Variants in ADSL observed in about 807,000 individuals in gnomAD.
The protein encoded by ADSL is adenylosuccinate lyase.
In ADSL, 44 loss-of-function variants were observed where a neutral mutation model predicts 62.1. That is an observed-to-expected ratio of 0.71 (90% confidence interval 0.56 to 0.91). ADSL has a LOEUF of 0.91. Among genes scored for constraint, ADSL ranks in the 40% least tolerant of loss-of-function variants. The pLI, the probability that ADSL is intolerant of heterozygous loss-of-function variation, is 0.00. For synonymous variants in ADSL, 198 were observed against 220.5 expected, an observed-to-expected ratio of 0.90 and a Z score of 0.90; for missense variants, 531 against 627.4, an observed-to-expected ratio of 0.85 and a Z score of 1.64.
Position 40,364,915 on chromosome 22 carries a change from G to A in ADSL, c.1227G>A (p.Gln409=). The A allele has an allele frequency of 6.2e-7, 1 of 1,614,210 alleles. No individual in the cohort carries two copies. Reference sequence around the variant, plus strand: ...AGAAAATCAGAGTGCTTTCTCAGCAGGCAGCTTCTGTGGTTAAGCAGGAAG... The same window carrying A: ...AGAAAATCAGAGTGCTTTCTCAGCAAGCAGCTTCTGTGGTTAAGCAGGAAG... ...CHEKIRVLSQ[Q]AASVVKQEGG... The change falls in exon 12 of 13, where the codon CAG becomes CAA. Residue 409 remains glutamine, a synonymous_variant. Transcript: ENST00000623063.
rs2045105660 is a variant in ADSL at position 40,369,162 on chromosome 22, G to T, written c.*2640G>T. On this transcript the variant is annotated 3_prime_UTR_variant, in exon 13 of 13. Coordinates refer to ENST00000623063, the MANE Select transcript of ADSL (RefSeq NM_000026.4). ...CCTCATAGAAAATAAGGAAATAACA[G>T]TCTTGTTCCTGTCCTAACAATTCTG... The T allele has an allele frequency of 6.6e-6, 1 of 152,146 alleles. No homozygotes were observed. 9.4% of individuals were successfully genotyped at this position (152,146 alleles called of 1,614,324 possible). A position where few individuals can be genotyped will look rare whatever the true frequency, so the allele number is the denominator to read the frequency against.
downstream of ADSL, among the ~76,000 whole-genome samples, chr22:40,372,121 C>G (rs868532234): frequency 4.4e-5 from 5 of 114,266 alleles, no homozygotes; most frequent in Non-Finnish European, 6.8e-5. Context: ...GTCCCCCCCC[C>G]CTTTTTTTTT....
downstream of ADSL, among the ~76,000 whole-genome samples, chr22:40,374,274 G>C (rs1189860343): frequency 6.6e-6 from 1 of 152,140 alleles, no homozygotes; most frequent in African/African-American, 2.4e-5. Flanking sequence ...TTTATAGTTT[G>C]AGAGTTGGGG....
chr22:40,363,736 C>CAAA (rs1231381642), intron 10 of ADSL, among the ~76,000 whole-genome samples: 7 of 79,662 alleles, frequency 8.8e-5, no homozygotes, highest in South Asian at 3.9e-4. Context: ...AACTCCATCT[C>CAAA]AAAAAAAAAA....
Position 40,346,804 on chromosome 22 carries a change from G to A in ADSL, c.153+93G>A, listed in dbSNP as rs963971520. 4.5e-6 allele frequency: 6 copies of A among 1,345,130 alleles called. No individual in the cohort carries two copies. In the South Asian group the frequency reaches 6.7e-5, roughly 15 times the overall value. 83.3% of individuals were successfully genotyped at this position (1,345,130 alleles called of 1,614,324 possible). The stretch of plus-strand genomic sequence containing the variant: ...GTTCCGGGCTGGGCTTAGCCACCCC[G>A]GAGCTGCGGCCCGGCTATTTTCAGC... On this transcript the variant is annotated intron_variant, in intron 1 of 12. Coordinates refer to ENST00000623063, the MANE Select transcript of ADSL (RefSeq NM_000026.4).
chr22:40,348,983 T>G (rs2044246316), intron 1 of ADSL: 1 of 166,974 alleles, frequency 6.0e-6, no homozygotes, highest in Admixed American at 6.4e-5. Context: ...TTGCTTTCAG[T>G]TGCACTCATT....
intron 2 of ADSL, among the ~76,000 whole-genome samples, chr22:40,375,477 G>A (rs1191473986): frequency 1.3e-5 from 2 of 151,948 alleles, no homozygotes; most frequent in Non-Finnish European, 2.9e-5. Flanking sequence ...CTATTCGGGA[G>A]GCTGAGGCAG....
intron 2 of ADSL, among the ~76,000 whole-genome samples, chr22:40,374,450 T>A (rs17001864): frequency 0.023 from 3,508 of 152,194 alleles, 133 homozygotes; most frequent in African/African-American, 0.081. Context: ...GGCTTTAGAG[T>A]CTGACAGATC....
Position 40,385,954 on chromosome 22 carries a change from C to T in ADSL, c.90-4276C>T, listed in dbSNP as rs193124060. ...GCAGCGTCGACCTCCCGGGCCCAGGCGATTCTCCTATCTCAACTTCCCAGG... is the reference window on the plus strand; with the variant it reads ...GCAGCGTCGACCTCCCGGGCCCAGGTGATTCTCCTATCTCAACTTCCCAGG... On this transcript the variant is annotated intron_variant, in intron 2 of 2. Coordinates refer to the ADSL transcript ENST00000498234. Among the ~76,000 whole-genome samples the T allele has an allele frequency of 8.5e-5, 13 of 152,116 alleles. No homozygotes were observed. In the East Asian group the frequency reaches 1.9e-3, roughly 23 times the overall value.
rs1369931692 is a variant in ADSL at position 40,367,048 on chromosome 22, AGCTCATTTCATCTTTTGATAAGG to A, written c.*527_*549del. The A allele has an allele frequency of 1.2e-5, 2 of 165,092 alleles. No individual in the cohort carries two copies. The highest frequency in any genetic ancestry group is 2.6e-5 in the Non-Finnish European group (2 of 75,950). The allele number at this position is 165,092 out of a possible 1,614,324, so 10.2% of individuals were successfully genotyped here. A position where few individuals can be genotyped will look rare whatever the true frequency, so the allele number is the denominator to read the frequency against. On this transcript the variant is annotated 3_prime_UTR_variant, in exon 13 of 13. Coordinates refer to ENST00000623063, the MANE Select transcript of ADSL (RefSeq NM_000026.4). ...GCTGATTGAGCTGAAGTTGTGCCCAAGCTCATTTCATCTTTTGATAAGGCTTATACAGCAGGGAAATGCTAATT... is the reference window on the plus strand; with the variant it reads ...GCTGATTGAGCTGAAGTTGTGCCCAACTTATACAGCAGGGAAATGCTAATT...
Position 40,360,324 on chromosome 22 carries a change from T to G in ADSL, c.702-78T>G, listed in dbSNP as rs557371973. ...AGTCCTCCTCCGTTAGCCTCCTAAG[T>G]AGCTGGGACTACAGTCATGCACCAC... On this transcript the variant is annotated intron_variant, in intron 6 of 12. Transcript: ENST00000623063. 9.1e-5 allele frequency: 112 copies of G among 1,229,882 alleles called. No individual in the cohort carries two copies. The African/African-American group carries it at 1.2e-3, about 14-fold the overall frequency. The allele number at this position is 1,229,882 out of a possible 1,614,324, so 76.2% of individuals were successfully genotyped here. A position where few individuals can be genotyped will look rare whatever the true frequency, so the allele number is the denominator to read the frequency against.
intron 2 of ADSL, among the ~76,000 whole-genome samples, chr22:40,385,189 A>G (rs1360115952): frequency 2.0e-5 from 3 of 152,212 alleles, no homozygotes; most frequent in African/African-American, 7.2e-5. Flanking sequence ...TGACTAGGAA[A>G]TCACTGGAGA....
intron 4 of ADSL, among the ~76,000 whole-genome samples, chr22:40,355,512 T>G (rs1342616696): frequency 6.6e-6 from 1 of 152,220 alleles, no homozygotes; most frequent in African/African-American, 2.4e-5. Flanking sequence ...TGTGTCTGGC[T>G]TCTGTTGCTG....
chr22:40,348,366 A>G (rs1290587303), intron 1 of ADSL: 5 of 397,494 alleles, frequency 1.3e-5, no homozygotes, highest in Non-Finnish European at 2.2e-5. Context: ...TGACTGAGAA[A>G]CTGACTTTTT....
rs750649096 is a variant in ADSL at position 40,346,524 on chromosome 22, G to T, written c.-35G>T. The T allele has an allele frequency of 1.4e-5, 22 of 1,587,726 alleles. No individual in the cohort carries two copies. In the South Asian group the frequency reaches 2.2e-4, roughly 16 times the overall value. ...CAGGTTTCCGCTTCCGCTCTTCCCTGGTCCAGTCCACCCTGGCGGGGTCGC... is the reference window on the plus strand; with the variant it reads ...CAGGTTTCCGCTTCCGCTCTTCCCTTGTCCAGTCCACCCTGGCGGGGTCGC... On this transcript the variant is annotated 5_prime_UTR_variant, in exon 1 of 13. Coordinates refer to ENST00000623063, the MANE Select transcript of ADSL (RefSeq NM_000026.4).
chr22:40,364,931 AAG>A lies in ADSL; in HGVS notation c.1244_1245del (p.Lys415ThrfsTer5), dbSNP rs760899856. The A allele has an allele frequency of 1.2e-6, 2 of 1,614,202 alleles. No individual in the cohort carries two copies. The highest frequency in any genetic ancestry group is 2.2e-5 in the South Asian group (2 of 91,084). ...VLSQQAASVV[K>X]QEGGDNDLIE... ...TTCTCAGCAGGCAGCTTCTGTGGTT[AAG>A]CAGGAAGGGGGTGACAATGACCTCA... On this transcript the variant is annotated frameshift_variant, in exon 12 of 13. Coordinates refer to ENST00000623063, the MANE Select transcript of ADSL (RefSeq NM_000026.4). LOFTEE classifies it high-confidence loss of function.
chr22:40,361,986 C>T (rs2044808154), intron 9 of ADSL, among the ~76,000 whole-genome samples: 1 of 152,172 alleles, frequency 6.6e-6, no homozygotes, highest in South Asian at 2.1e-4. Context: ...GTTACTACTA[C>T]TTGAGTAGCC....
At position 40,367,798 on chromosome 22, in the gene ADSL, A is replaced by G. The variant is rs577986408; in HGVS notation, c.*1276A>G. 3.9e-5 allele frequency: 6 copies of G among 153,396 alleles called. No homozygotes were observed. The highest frequency in any genetic ancestry group is 1.4e-4 in the African/African-American group (6 of 41,598). The allele number at this position is 153,396 out of a possible 1,614,324, so 9.5% of individuals were successfully genotyped here. A position where few individuals can be genotyped will look rare whatever the true frequency, so the allele number is the denominator to read the frequency against. ...TTAACAAGTATGTTTATTTGGTAAA[A>G]TAAGTTTTCATCTCTAACCTAAATC... On this transcript the variant is annotated 3_prime_UTR_variant, in exon 13 of 13. Coordinates refer to ENST00000623063, the MANE Select transcript of ADSL (RefSeq NM_000026.4).
At chr22:40,356,000 C>CAACAGAG (rs2044538004) in intron 4 of ADSL, among the ~76,000 whole-genome samples, 1 of 130,208 alleles carries the variant, frequency 7.7e-6, no homozygotes, top group Admixed American at 8.4e-5. Context: ...CAGCCTGGCT[C>CAACAGAG]ACATGGTGAA....
Sources: gnomAD v4.1 joint callset for allele counts (sites outside exome capture counted in the v4.1 genomes callset) on GRCh38, gnomAD v4.1.1 for gene constraint, MANE v1.5 for transcripts, NCBI Gene and HGNC (gene_info 2026-07-23, HGNC 2026-07-21) for gene names.